TSHZ2: variants seen among roughly 807,000 people sequenced by gnomAD.
TSHZ2 encodes the protein teashirt zinc finger homeobox 2.
Under a neutral mutation model 74.4 loss-of-function variants are expected in TSHZ2, and 21 were observed. That is an observed-to-expected ratio of 0.28 (90% CI 0.20 to 0.41). The LOEUF is 0.41. Ranked by LOEUF, TSHZ2 falls within the 10% of genes least tolerant of loss-of-function variation. The pLI, the probability that TSHZ2 is intolerant of heterozygous loss-of-function variation, is 1.00. For synonymous variants in TSHZ2, 540 were observed against 515.3 expected (o/e 1.05, Z -0.65); for missense variants, 1,244 against 1,293.5 (o/e 0.96, Z 0.59).
chr20:52,976,030 G>A (rs570167613), intron 1 of TSHZ2, among the ~76,000 whole-genome samples: 5 of 152,308 alleles, frequency 3.3e-5, no homozygotes, highest in South Asian at 2.1e-4. Context: ...GAGTGGATCC[G>A]AGCTGAGGCT....
At chr20:53,051,274 G>C (rs1447211172) in intron 1 of TSHZ2, among the ~76,000 whole-genome samples, 1 of 152,200 alleles carries the variant, frequency 6.6e-6, no homozygotes, top group African/African-American at 2.4e-5. Context: ...AGGAAGTGGA[G>C]GTTGCAGTGA....
chr20:53,217,234 C>A (rs958513797), intron 1 of TSHZ2, among the ~76,000 whole-genome samples: 1 of 152,142 alleles, frequency 6.6e-6, no homozygotes. Context: ...CTGCGCTTGG[C>A]CGATGCCAGC....
intron 1 of TSHZ2, among the ~76,000 whole-genome samples, chr20:53,183,348 A>G (rs1247382459): frequency 6.6e-6 from 1 of 152,148 alleles, no homozygotes; most frequent in African/African-American, 2.4e-5. Flanking sequence ...GGATGTGGCC[A>G]TCCTCTGCGT....
chr20:53,211,807 G>T (rs1989312687), intron 1 of TSHZ2, among the ~76,000 whole-genome samples: 1 of 152,152 alleles, frequency 6.6e-6, no homozygotes, highest in Non-Finnish European at 1.5e-5. Flanking sequence ...ATAATGATCA[G>T]GTTTGGGCTG....
intron 1 of TSHZ2, among the ~76,000 whole-genome samples, chr20:53,161,175 C>A (rs940560805): frequency 3.0e-5 from 4 of 134,308 alleles, no homozygotes; most frequent in Non-Finnish European, 4.6e-5. Context: ...GCAAGGCTAT[C>A]TGATGGAGTG....
At chr20:53,458,387 T>A (rs553539841) in intron 2 of TSHZ2, among the ~76,000 whole-genome samples, 1 of 152,296 alleles carries the variant, frequency 6.6e-6, no homozygotes, top group East Asian at 1.9e-4. Context: ...TTTGTATTTC[T>A]GTGGGATCAG....
chr20:53,176,608 G>A (rs1988344400), intron 1 of TSHZ2, among the ~76,000 whole-genome samples: 1 of 151,972 alleles, frequency 6.6e-6, no homozygotes, highest in African/African-American at 2.4e-5. Flanking sequence ...TAAGTCAAGA[G>A]TAACAGGATA....
chr20:53,304,583 A>G (rs1317317717), intron 2 of TSHZ2, among the ~76,000 whole-genome samples: 4 of 152,090 alleles, frequency 2.6e-5, no homozygotes, highest in Non-Finnish European at 5.9e-5. Flanking sequence ...CCCACAACTT[A>G]TTTCACATAG....
chr20:53,144,641 G>A (rs576281083), intron 1 of TSHZ2, among the ~76,000 whole-genome samples: 142 of 152,258 alleles, frequency 9.3e-4, no homozygotes, highest in Non-Finnish European at 1.8e-3. Flanking sequence ...CTGGGGCACA[G>A]AGATGGTAAA....
At chr20:53,337,716 G>T (rs191367297) in intron 2 of TSHZ2, among the ~76,000 whole-genome samples, 4 of 152,312 alleles carry the variant, frequency 2.6e-5, no homozygotes, top group Admixed American at 1.3e-4. Flanking sequence ...GACTCCCAAC[G>T]TGAAAAACTC....
intron 2 of TSHZ2, among the ~76,000 whole-genome samples, chr20:53,430,848 C>T (rs1002464565): frequency 6.6e-6 from 1 of 151,976 alleles, no homozygotes; most frequent in African/African-American, 2.4e-5. Context: ...CTCCTCCTCC[C>T]GAGTTCAACT....
At chr20:53,083,890 CATTT>C (rs1600681694) in intron 1 of TSHZ2, among the ~76,000 whole-genome samples, 1 of 151,868 alleles carries the variant, frequency 6.6e-6, no homozygotes, top group African/African-American at 2.4e-5. Context: ...TAACTGTAAG[CATTT>C]ATTGCATTTT....
intron 2 of TSHZ2, among the ~76,000 whole-genome samples, chr20:53,469,052 T>C (rs1205436926): frequency 1.0e-5 from 1 of 96,016 alleles, no homozygotes; most frequent in Non-Finnish European, 1.9e-5. Context: ...ATTTTATATA[T>C]ATATATATAT....
chr20:53,065,996 A>T (rs1281553172), intron 1 of TSHZ2, among the ~76,000 whole-genome samples: 1 of 152,108 alleles, frequency 6.6e-6, no homozygotes, highest in Non-Finnish European at 1.5e-5. Flanking sequence ...TTCCGCAGGG[A>T]TCTGCAGCTC....
chr20:53,247,187 A>G lies in TSHZ2; in HGVS notation c.41-6312A>G, dbSNP rs144344583. 3.7e-4 allele frequency among the ~76,000 whole-genome samples: 57 copies of G among 152,350 alleles called. No homozygotes were observed. In the East Asian group the frequency reaches 0.01, roughly 28 times the overall value. On this transcript the variant is annotated intron_variant, in intron 1 of 2. Transcript: ENST00000371497. Reference sequence around the variant, plus strand: ...ACACTTATGTTATATGTGGCATGACAGGGATAAAAATCCACGCACCATAAA... The same window carrying G: ...ACACTTATGTTATATGTGGCATGACGGGGATAAAAATCCACGCACCATAAA...
chr20:52,985,615 T>C (rs903960347), intron 1 of TSHZ2, among the ~76,000 whole-genome samples: 1 of 152,246 alleles, frequency 6.6e-6, no homozygotes, highest in African/African-American at 2.4e-5. Context: ...ACCACGATTC[T>C]GACCTTATGG....
At chr20:53,328,941 T>C (rs1023232853) in intron 2 of TSHZ2, among the ~76,000 whole-genome samples, 1 of 152,216 alleles carries the variant, frequency 6.6e-6, no homozygotes, top group East Asian at 1.9e-4. Flanking sequence ...GAATAGTTAA[T>C]TGAATCAGCA....
At chr20:53,337,321 T>A (rs571120996) in intron 2 of TSHZ2, among the ~76,000 whole-genome samples, 1 of 152,360 alleles carries the variant, frequency 6.6e-6, no homozygotes, top group South Asian at 2.1e-4. Flanking sequence ...ACTGGTTGAA[T>A]ACTGTGGGAC....
At chr20:53,013,252 A>G (rs897730832) in intron 1 of TSHZ2, among the ~76,000 whole-genome samples, 7 of 152,198 alleles carry the variant, frequency 4.6e-5, no homozygotes, top group Non-Finnish European at 8.8e-5. Context: ...AAACAAGAGA[A>G]GTAAAGGCTT....
Sources: gnomAD v4.1 joint callset for allele counts (sites outside exome capture counted in the v4.1 genomes callset) on GRCh38, gnomAD v4.1.1 for gene constraint, MANE v1.5 for transcripts, NCBI Gene and HGNC (gene_info 2026-07-23, HGNC 2026-07-21) for gene names.